The following FHIT variants were observed in gnomAD, a reference collection of about 807,000 sequenced individuals.
FHIT encodes bis(5'-adenosyl)-triphosphatase.
A neutral mutation model predicts 17.9 loss-of-function variants in FHIT; 19 were observed. That is an observed-to-expected ratio of 1.06 (90% CI 0.74 to 1.56). FHIT has a LOEUF of 1.56. Among genes scored for constraint, FHIT ranks in the 40% most tolerant of loss-of-function variants. FHIT has a pLI of 0.00. For missense variants in FHIT, 248 were observed against 189.2 expected (o/e 1.31, Z -1.82); for synonymous variants, 81 against 69.7 (o/e 1.16, Z -0.81).
intron 8 of FHIT, among the ~76,000 whole-genome samples, chr3:59,828,873 G>GTGTGTT (rs1338557785): frequency 6.6e-6 from 1 of 151,244 alleles, no homozygotes; most frequent in East Asian, 1.9e-4. Flanking sequence ...GTGTGTGTGT[G>GTGTGTT]TATCCTACCA....
chr3:60,074,027 G>C (rs990622305), intron 5 of FHIT, among the ~76,000 whole-genome samples: 1 of 152,094 alleles, frequency 6.6e-6, no homozygotes. Context: ...CATGTGAATG[G>C]AGCAGGGGCT....
intron 5 of FHIT, among the ~76,000 whole-genome samples, chr3:60,191,013 A>T (rs1702380940): frequency 6.6e-6 from 1 of 152,116 alleles, no homozygotes. Flanking sequence ...GAAGCTAAGA[A>T]AATTTTATTG....
At chr3:60,227,599 C>T (rs541395487) in intron 5 of FHIT, among the ~76,000 whole-genome samples, 8 of 152,260 alleles carry the variant, frequency 5.3e-5, no homozygotes, top group African/African-American at 1.2e-4. Flanking sequence ...GAACAATCAA[C>T]GAACACTGAT....
intron 5 of FHIT, among the ~76,000 whole-genome samples, chr3:60,397,923 C>T (rs1380598314): frequency 6.6e-6 from 1 of 152,154 alleles, no homozygotes; most frequent in Non-Finnish European, 1.5e-5. Flanking sequence ...TACTCACAGA[C>T]CAATCAGCAC....
At chr3:60,650,444 C>A (rs372587510) in intron 4 of FHIT, among the ~76,000 whole-genome samples, 12 of 152,214 alleles carry the variant, frequency 7.9e-5, no homozygotes, top group African/African-American at 2.7e-4. Context: ...GGTAGTCAGT[C>A]CACTGTTTAT....
intron 1 of FHIT, among the ~76,000 whole-genome samples, chr3:61,214,047 G>C (rs1183695024): frequency 4.6e-5 from 7 of 152,058 alleles, no homozygotes; most frequent in Non-Finnish European, 8.8e-5. Flanking sequence ...GCCCACAAAA[G>C]AAAGCAGGAA....
chr3:61,054,265 C>G (rs1471441768), intron 2 of FHIT, among the ~76,000 whole-genome samples: 3 of 152,158 alleles, frequency 2.0e-5, no homozygotes, highest in Non-Finnish European at 2.9e-5. Context: ...AATAAATTCC[C>G]CAGCTCTGGG....
At chr3:60,050,614 C>G (rs1343293952) in intron 5 of FHIT, among the ~76,000 whole-genome samples, 2 of 152,184 alleles carry the variant, frequency 1.3e-5, no homozygotes, top group Non-Finnish European at 2.9e-5. Flanking sequence ...CTTATGCAGT[C>G]CACAGAATCC....
At chr3:60,222,587 G>C (rs568149321) in intron 5 of FHIT, among the ~76,000 whole-genome samples, 19 of 151,998 alleles carry the variant, frequency 1.3e-4, no homozygotes, top group African/African-American at 4.6e-4. Flanking sequence ...TCAGGAGTTC[G>C]AGACCAGCCT....
At chr3:59,954,368 T>C (rs913003853) in intron 7 of FHIT, among the ~76,000 whole-genome samples, 1 of 152,110 alleles carries the variant, frequency 6.6e-6, no homozygotes, top group Non-Finnish European at 1.5e-5. Flanking sequence ...TCAACAAATA[T>C]CATTTGAGAA....
chr3:60,839,759 A>G (rs1378256586), intron 3 of FHIT, among the ~76,000 whole-genome samples: 1 of 152,072 alleles, frequency 6.6e-6, no homozygotes, highest in Admixed American at 6.6e-5. Context: ...ACCCCCTTAG[A>G]AGCATCTAGA....
intron 2 of FHIT, among the ~76,000 whole-genome samples, chr3:61,153,336 A>G (rs2037448680): frequency 6.6e-6 from 1 of 152,196 alleles, no homozygotes; most frequent in African/African-American, 2.4e-5. Flanking sequence ...CAATTGTAAG[A>G]TATTGCTTCA....
chr3:60,084,033 G>T (rs1262293908), intron 5 of FHIT, among the ~76,000 whole-genome samples: 3 of 130,732 alleles, frequency 2.3e-5, no homozygotes, highest in African/African-American at 9.1e-5. Context: ...ATATTAAGTG[G>T]GGAAAAAATC....
chr3:61,099,439 G>A (rs1251521387), intron 2 of FHIT, among the ~76,000 whole-genome samples: 3 of 152,148 alleles, frequency 2.0e-5, no homozygotes, highest in Admixed American at 1.3e-4. Context: ...CATAGAATGA[G>A]TTAGGGAGGA....
At chr3:59,761,946 T>C (rs529862796) in intron 8 of FHIT, among the ~76,000 whole-genome samples, 63 of 152,302 alleles carry the variant, frequency 4.1e-4, no homozygotes, top group African/African-American at 1.5e-3. Flanking sequence ...TCAGGAACTT[T>C]CACCTTTTCT....
chr3:60,446,899 TAAA>T (rs869130805), intron 5 of FHIT, among the ~76,000 whole-genome samples: 6 of 142,726 alleles, frequency 4.2e-5, no homozygotes, highest in Non-Finnish European at 7.7e-5. Context: ...ATAATAATAA[TAAA>T]AAGCCTTCAG....
intron 8 of FHIT, among the ~76,000 whole-genome samples, chr3:59,879,514 A>G (rs1161354488): frequency 2.0e-5 from 3 of 152,192 alleles, no homozygotes; most frequent in Non-Finnish European, 4.4e-5. Context: ...AACCCTAATC[A>G]ACTGCCATTT....
chr3:60,355,723 T>A (rs921395770), intron 5 of FHIT, among the ~76,000 whole-genome samples: 2 of 151,812 alleles, frequency 1.3e-5, no homozygotes, highest in African/African-American at 2.4e-5. Flanking sequence ...TTGTCACAAA[T>A]TTTTTTTTAA....
intron 5 of FHIT, among the ~76,000 whole-genome samples, chr3:60,404,326 GA>G (rs35532909): frequency 0.51 from 77,029 of 151,754 alleles, 20,651 homozygotes; most frequent in Non-Finnish European, 0.6. Flanking sequence ...TTATTACCTA[GA>G]AAAACAAACA....
Sources: gnomAD v4.1 joint callset for allele counts (sites outside exome capture counted in the v4.1 genomes callset) on GRCh38, gnomAD v4.1.1 for gene constraint, MANE v1.5 for transcripts, NCBI Gene and HGNC (gene_info 2026-07-23, HGNC 2026-07-21) for gene names.